KRT39: variants seen among roughly 807,000 people sequenced by gnomAD.
KRT39 encodes keratin 39.
In KRT39, 47 loss-of-function variants were observed where a neutral mutation model predicts 54.8. The observed-to-expected ratio is 0.86, with a 90% confidence interval of 0.68 to 1.09. KRT39 has a LOEUF of 1.09. Among genes scored for constraint, KRT39 ranks in the 50% least tolerant of loss-of-function variants. KRT39 has a pLI of 0.00. For synonymous variants in KRT39, 207 were observed against 227.9 expected (o/e 0.91, Z 0.83); for missense variants, 580 against 598.5 (o/e 0.97, Z 0.32).
rs369392944 is a variant in KRT39, at chr17:40,966,486, A to G, written c.371T>C (p.Leu124Pro). The G allele has an allele frequency of 1.8e-5, 29 of 1,614,068 alleles. No homozygotes were observed. The highest frequency in any genetic ancestry group is 2.4e-5 in the Non-Finnish European group (28 of 1,180,040). Residue 124 changes from leucine (L) to proline (P), a missense_variant, in exon 1 of 7, where the codon CTG becomes CCG. Physicochemically the swap from Leu to Pro is moderately conservative, Grantham distance 98 (BLOSUM62 -3). Transcript: ENST00000355612. ...ACTTTCTTCCTGGATTTTAGATTCC[A>G]GTTCAGCATTCTCTCGTTCTAGCAT... The part of the protein sequence containing the change: ...VRMLERENAE[L>P]ESKIQEESNK...
intron 3 of KRT39, among the ~76,000 whole-genome samples, chr17:40,962,950 G>C (rs1053419074): frequency 2.0e-5 from 3 of 152,176 alleles, no homozygotes; most frequent in Non-Finnish European, 4.4e-5. Flanking sequence ...CCAATGGGAG[G>C]TGGCAGAAGC....
chr17:40,960,827 C>T (rs542242763), intron 5 of KRT39: 2 of 357,770 alleles, frequency 5.6e-6, no homozygotes, highest in Non-Finnish European at 1.0e-5. Context: ...TAATGCACAC[C>T]CAGGCATTAA....
Position 40,966,686 on chromosome 17 carries a change from C to T in KRT39, c.171G>A (p.Gln57=). ...AAAAGCGAGGAGTGGGTTGGCAGCCCTGGTCCCAGGGAATTCTGAGAACGT... is the reference window on the plus strand; with the variant it reads ...AAAAGCGAGGAGTGGGTTGGCAGCCTTGGTCCCAGGGAATTCTGAGAACGT... The part of the protein sequence containing the change: ...AGHVLRIPWD[Q]GCQPTPRFCR... Residue 57 remains glutamine (Q), a synonymous_variant, in exon 1 of 7, where the codon CAG becomes CAA. Transcript: ENST00000355612. 1 of 1,614,210 alleles carries T rather than the reference C, an allele frequency of 6.2e-7. No homozygotes were observed. Among genetic ancestry groups the T allele is most frequent in the South Asian group, 1.1e-5 (1 of 91,092 alleles).
At position 40,964,393 on chromosome 17, in the gene KRT39, C is replaced by A. The variant is rs988625220; in HGVS notation, c.551+53G>T. 5 of 1,494,696 alleles carry A rather than the reference C, an allele frequency of 3.3e-6. No homozygotes were observed. In the Admixed American group the frequency reaches 6.7e-5, roughly 20 times the overall value. 92.6% of individuals were successfully genotyped at this position (1,494,696 alleles called of 1,614,324 possible). ...GGGGACAATTTTGTTGAGGGCATCTCGGTCAGACTCAGGGTGAGCTCTGTC... is the reference window on the plus strand; with the variant it reads ...GGGGACAATTTTGTTGAGGGCATCTAGGTCAGACTCAGGGTGAGCTCTGTC... On this transcript the variant is annotated intron_variant, in intron 2 of 6. Transcript: ENST00000355612.
intron 3 of KRT39, among the ~76,000 whole-genome samples, 177 bp from the exon 4 acceptor site, chr17:40,962,740 G>C (rs1010420330): frequency 6.6e-6 from 1 of 152,092 alleles, no homozygotes; most frequent in South Asian, 2.1e-4. Flanking sequence ...GACTCTTTCA[G>C]GTAGGACTGT....
At chr17:40,959,360 G>A (rs1018241745) in intron 6 of KRT39, among the ~76,000 whole-genome samples, 8 of 152,316 alleles carry the variant, frequency 5.3e-5, no homozygotes, top group African/African-American at 1.9e-4. Context: ...AATAGTGGTG[G>A]CCTGAACCCC....
In KRT39 at chr17:40,963,703, A is replaced by C. The variant is rs768092570; in HGVS notation, c.632T>G (p.Leu211Arg). The C allele has an allele frequency of 1.2e-5, 20 of 1,611,764 alleles. No individual in the cohort carries two copies. The highest frequency in any genetic ancestry group is 2.7e-5 in the African/African-American group (2 of 74,872). Residue 211 changes from leucine (L) to arginine (R), a missense_variant, in exon 3 of 7, where the codon CTG becomes CGG. Coordinates refer to ENST00000355612, the MANE Select transcript of KRT39 (RefSeq NM_213656.4). ...TTGTGCCTCTAGGTCGGCCTTGCCC[A>C]GGGTCAGCACATTCAGGATCTGCTT... ...GLKQILNVLT[L>R]GKADLEAQVQ...
In KRT39 at chr17:40,966,815, G is replaced by T. The variant is rs756000884; in HGVS notation, c.42C>A (p.Thr14=). ...KGCTTTNSPS[T]PCQNCSRITN... Reference sequence around the variant, plus strand: ...TAATCCTAGAGCAGTTTTGACATGGGGTTGAAGGAGAATTGGTTGTTGTAC... The same window carrying T: ...TAATCCTAGAGCAGTTTTGACATGGTGTTGAAGGAGAATTGGTTGTTGTAC... Residue 14 remains threonine (T), a synonymous_variant, in exon 1 of 7, where the codon ACC becomes ACA. Transcript: ENST00000355612. 2 of 1,613,854 alleles carry T rather than the reference G, an allele frequency of 1.2e-6. No homozygotes were observed. The highest frequency in any genetic ancestry group is 4.5e-5 in the East Asian group (2 of 44,864).
intron 3 of KRT39, 68 bp from the exon 4 acceptor site, chr17:40,962,631 C>T: frequency 1.5e-6 from 2 of 1,348,122 alleles, no homozygotes; most frequent in South Asian, 2.6e-5. Context: ...TTGTTTCACT[C>T]TAACTGCTAC....
chr17:40,962,030 T>C lies in KRT39; in HGVS notation c.996+132A>G, dbSNP rs1269816183. On this transcript the variant is annotated intron_variant, in intron 5 of 6. Coordinates refer to ENST00000355612, the MANE Select transcript of KRT39 (RefSeq NM_213656.4). Reference sequence around the variant, plus strand: ...GACTTATTTGGCCACAAAGCTCTTTTTCAGCCATAGACGCTTTAACAAATG... The same window carrying C: ...GACTTATTTGGCCACAAAGCTCTTTCTCAGCCATAGACGCTTTAACAAATG... 12 of 1,279,236 alleles carry C rather than the reference T, an allele frequency of 9.4e-6. No individual in the cohort carries two copies. The Admixed American group carries it at 2.9e-4, about 31-fold the overall frequency. 79.2% of individuals were successfully genotyped at this position (1,279,236 alleles called of 1,614,324 possible). A position where few individuals can be genotyped will look rare whatever the true frequency, so the allele number is the denominator to read the frequency against.
chr17:40,962,365 A>G (rs1334987560), intron 4 of KRT39, 37 bp downstream of exon 4: 1 of 1,612,574 alleles, frequency 6.2e-7, no homozygotes, highest in East Asian at 2.2e-5. Flanking sequence ...GAAATGCAGC[A>G]TCAGCTTATT....
intron 5 of KRT39, 37 bp from the exon 6 acceptor site, chr17:40,960,538 C>A (rs764319484): frequency 1.3e-6 from 2 of 1,518,718 alleles, no homozygotes. Context: ...TATAATGACT[C>A]CTTTAAGCCC....
At chr17:40,963,555 G>T in intron 3 of KRT39, 72 bp downstream of exon 3, 1 of 1,406,140 alleles carries the variant, frequency 7.1e-7, no homozygotes, top group Non-Finnish European at 9.7e-7. Flanking sequence ...CCCTTTGTCA[G>T]GTGCAACTCA....
Position 40,966,484 on chromosome 17 carries a change from C to A in KRT39, c.373G>T (p.Glu125Ter), listed in dbSNP as rs756597069. The change falls in exon 1 of 7, where the codon GAA (glutamate) becomes TAA (stop). Residue 125 changes from glutamate (E) to a stop codon, truncating the protein, a stop_gained. Transcript: ENST00000355612. LOFTEE classifies it high-confidence loss of function. ...TTACTTTCTTCCTGGATTTTAGATT[C>A]CAGTTCAGCATTCTCTCGTTCTAGC... ...RMLERENAEL[E>*]SKIQEESNKE... The A allele has an allele frequency of 5.0e-6, 8 of 1,614,032 alleles. No homozygotes were observed. The highest frequency in any genetic ancestry group is 6.8e-6 in the Non-Finnish European group (8 of 1,180,022).
chr17:40,962,012 T>C (rs937637297), intron 5 of KRT39, 150 bp downstream of exon 5: 4 of 1,098,716 alleles, frequency 3.6e-6, no homozygotes. Context: ...GTAGACTTAT[T>C]TGGCCACAAA....
At chr17:40,963,839 G>A (rs1597906149) in intron 2 of KRT39, 56 bp from the exon 3 acceptor site, 3 of 1,429,808 alleles carry the variant, frequency 2.1e-6, no homozygotes, top group East Asian at 2.3e-5. Flanking sequence ...TGCAAACCAA[G>A]CCAAGCAGAA....
chr17:40,962,089 A>G, intron 5 of KRT39, 73 bp downstream of exon 5: 1 of 1,539,956 alleles, frequency 6.5e-7, no homozygotes, highest in Non-Finnish European at 8.8e-7. Context: ...CAGTTTGGGA[A>G]ATACTGCAGC....
At position 40,966,844 on chromosome 17, in the gene KRT39, C is replaced by T. The variant is rs776767181; in HGVS notation, c.13G>A (p.Gly5Ser). Reference sequence around the variant, plus strand: ...GAAGGAGAATTGGTTGTTGTACAGCCCTTGGTGTCCATAGTATGTGTCTGG... The same window carrying T: ...GAAGGAGAATTGGTTGTTGTACAGCTCTTGGTGTCCATAGTATGTGTCTGG... MDTKGCTTTNSPSTP... is the reference protein window; with the variant it reads MDTKSCTTTNSPSTP... The change falls in exon 1 of 7, where the codon GGC becomes AGC. Residue 5 changes from glycine (G) to serine (S), a missense_variant. Coordinates refer to ENST00000355612, the MANE Select transcript of KRT39 (RefSeq NM_213656.4). 2.5e-6 allele frequency: 4 copies of T among 1,608,862 alleles called. No homozygotes were observed. The highest frequency in any genetic ancestry group is 3.4e-6 in the Non-Finnish European group (4 of 1,176,728).
In KRT39 at chr17:40,962,459, T is replaced by C; in HGVS notation, c.813A>G (p.Gln271=). The C allele has an allele frequency of 6.2e-7, 1 of 1,614,232 alleles. No homozygotes were observed. The highest frequency in any genetic ancestry group is 1.1e-5 in the South Asian group (1 of 91,084). The change falls in exon 4 of 7, where the codon CAA becomes CAG. Residue 271 remains glutamine, a synonymous_variant. Coordinates refer to ENST00000355612, the MANE Select transcript of KRT39 (RefSeq NM_213656.4). ...LNQVLQEMRC[Q]YEPIMETNRK... ...GGTTTGTCTCCATGATGGGCTCATA[T>C]TGACATCTCATTTCTTGTAGAACCT...
Sources: gnomAD v4.1 joint callset for allele counts (sites outside exome capture counted in the v4.1 genomes callset) on GRCh38, gnomAD v4.1.1 for gene constraint, MANE v1.5 for transcripts, NCBI Gene and HGNC (gene_info 2026-07-23, HGNC 2026-07-21) for gene names.